Variants in TRIM49 observed in about 807,000 individuals in gnomAD.
TRIM49 encodes the protein tripartite motif-containing protein 49.
In TRIM49, 5 loss-of-function variants were observed where a neutral mutation model predicts 27.4. That is an observed-to-expected ratio of 0.18 (90% CI 0.10 to 0.38). The LOEUF (loss-of-function observed/expected upper bound fraction) is 0.38, where lower values mean the gene tolerates loss of function less well. Ranked by LOEUF, TRIM49 falls within the 10% of genes least tolerant of loss-of-function variation. The pLI, the probability that TRIM49 is intolerant of heterozygous loss-of-function variation, is 1.00. For synonymous variants in TRIM49, 69 were observed against 166.0 expected, an observed-to-expected ratio of 0.42 and a Z score of 4.49; for missense variants, 188 against 487.5, an observed-to-expected ratio of 0.39 and a Z score of 5.79.
intron 2 of TRIM49, among the ~76,000 whole-genome samples, chr11:89,806,096 A>G (rs1243938215): frequency 8.2e-4 from 123 of 149,858 alleles, no homozygotes; most frequent in African/African-American, 2.7e-3. Flanking sequence ...CCTATGGTAT[A>G]CACTATAGCC....
the TRIM49 span, among the ~76,000 whole-genome samples, chr11:89,785,002 A>T: frequency 6.7e-6 from 1 of 150,194 alleles, no homozygotes; most frequent in Admixed American, 6.6e-5. Flanking sequence ...GAAATAAATC[A>T]GAGAGATCAC....
At chr11:89,777,680 A>G in the TRIM49 span, among the ~76,000 whole-genome samples, 9 of 150,994 alleles carry the variant, frequency 6.0e-5, no homozygotes, top group Admixed American at 2.6e-4. Context: ...CAGGTTATGT[A>G]AAAGCCAGTT....
chr11:89,805,711 T>C (rs1394719407), intron 2 of TRIM49, among the ~76,000 whole-genome samples: 2 of 140,780 alleles, frequency 1.4e-5, no homozygotes, highest in African/African-American at 6.2e-5. Context: ...CAGGTGTTTT[T>C]AGTTTTTTTT....
At chr11:89,805,965 C>T (rs1949786790) in intron 2 of TRIM49, among the ~76,000 whole-genome samples, 1 of 150,862 alleles carries the variant, frequency 6.6e-6, no homozygotes, top group African/African-American at 2.5e-5. Flanking sequence ...AGTGATCTGC[C>T]TGCCTTGGCT....
intron 2 of TRIM49, among the ~76,000 whole-genome samples, chr11:89,805,268 A>T (rs1435286632): frequency 6.6e-6 from 1 of 150,616 alleles, no homozygotes; most frequent in African/African-American, 2.4e-5. Context: ...GTGTAATTAT[A>T]TTTCCATAGT....
the TRIM49 span, chr11:89,777,391 G>A: frequency 4.6e-6 from 7 of 1,536,734 alleles, no homozygotes; most frequent in African/African-American, 1.4e-5. Flanking sequence ...TGCAGGGTAC[G>A]TGATGCCTCT....
chr11:89,784,140 A>C, the TRIM49 span, among the ~76,000 whole-genome samples: 4 of 114,444 alleles, frequency 3.5e-5, no homozygotes, highest in African/African-American at 2.5e-4. Flanking sequence ...TTCAGAAAAC[A>C]AATTAAATGA....
rs9666819 is a variant in TRIM49 at position 89,798,491 on chromosome 11, A to G, written c.998T>C (p.Val333Ala). The change falls in exon 8 of 8, where the codon GTT becomes GCT. Residue 333 changes from valine to alanine, a missense_variant. Around this residue, in one of 6 missense-constraint regions of TRIM49, gnomAD observed 94 missense variants for 149.6 expected, o/e 0.63. Coordinates refer to ENST00000329758, the MANE Select transcript of TRIM49 (RefSeq NM_020358.2). Reference protein sequence around the residue: ...ATPRSFLAWGVQTFTSGKYYW... With the variant: ...ATPRSFLAWGAQTFTSGKYYW... ...ATATTTGCCCGAGGTGAAAGTCTGA[A>G]CACCCCATGCAAGAAAACTTCTAGG... 2.5e-6 allele frequency: 4 copies of G among 1,594,502 alleles called. No individual in the cohort carries two copies. The highest frequency in any genetic ancestry group is 3.3e-4 in the Middle Eastern group (2 of 5,982).
At chr11:89,783,783 T>C in the TRIM49 span, among the ~76,000 whole-genome samples, 18 of 146,274 alleles carry the variant, frequency 1.2e-4, no homozygotes, top group Non-Finnish European at 2.2e-4. Flanking sequence ...CCGGCTTACC[T>C]GCTCTAACAA....
chr11:89,805,903 A>G (rs547105464), intron 2 of TRIM49, among the ~76,000 whole-genome samples: 1 of 150,332 alleles, frequency 6.7e-6, no homozygotes, highest in South Asian at 2.1e-4. Context: ...TTTTTTTAGT[A>G]GAGATGGGGT....
At chr11:89,768,353 A>G in the TRIM49 span, 3 of 1,203,866 alleles carry the variant, frequency 2.5e-6, no homozygotes, top group South Asian at 2.6e-5. Flanking sequence ...ATTCCAACAG[A>G]AAATGCTTCA....
At chr11:89,802,941 C>T (rs1214608826) in intron 4 of TRIM49, among the ~76,000 whole-genome samples, 1 of 150,068 alleles carries the variant, frequency 6.7e-6, no homozygotes, top group Non-Finnish European at 1.5e-5. Flanking sequence ...TTCCTTTCTT[C>T]TTTACTAGTA....
In TRIM49 at chr11:89,804,324, A is replaced by T. The variant is rs1591515485; in HGVS notation, c.146T>A (p.Leu49His). The change falls in exon 3 of 8, where the codon CTT becomes CAT. Residue 49 changes from leucine to histidine, a missense_variant. Coordinates refer to ENST00000329758, the MANE Select transcript of TRIM49 (RefSeq NM_020358.2). ...FYLNWQDIPFLVQCSECTKST... is the reference protein window; with the variant it reads ...FYLNWQDIPFHVQCSECTKST... ...CTTTGTGCATTCAGAGCACTGGACA[A>T]GAAATGGGATGTCTTGCCAGTTGAG... 3.5e-5 allele frequency: 57 copies of T among 1,611,712 alleles called. No individual in the cohort carries two copies. In the East Asian group the frequency reaches 1.2e-3, roughly 35 times the overall value.
chr11:89,795,542 G>GAAT (rs560062528), downstream of TRIM49, among the ~76,000 whole-genome samples: 1 of 82,652 alleles, frequency 1.2e-5, no homozygotes, highest in African/African-American at 4.5e-5. Context: ...ATACAACATG[G>GAAT]AATACTATGC....
chr11:89,803,615 G>A, intron 4 of TRIM49, 83 bp downstream of exon 4: 1 of 1,297,018 alleles, frequency 7.7e-7, no homozygotes. Context: ...AAACATTACA[G>A]TTTGATATCA....
intron 4 of TRIM49, among the ~76,000 whole-genome samples, chr11:89,802,676 A>T (rs1426479868): frequency 1.7e-4 from 26 of 150,860 alleles, no homozygotes; most frequent in Non-Finnish European, 3.2e-4. Context: ...ATCCACACAC[A>T]CATTTGTGTT....
rs1464187769 is a variant in TRIM49 at position 89,807,260 on chromosome 11, C to T, written c.-166G>A. 6.6e-6 allele frequency: 1 copy of T among 152,036 alleles called. No individual in the cohort carries two copies. Among genetic ancestry groups the T allele is most frequent in the Non-Finnish European group, 1.5e-5 (1 of 67,840 alleles). 9.4% of individuals were successfully genotyped at this position (152,036 alleles called of 1,614,324 possible). On this transcript the variant is annotated 5_prime_UTR_variant, in exon 2 of 8. Coordinates refer to ENST00000329758, the MANE Select transcript of TRIM49 (RefSeq NM_020358.2). ...CTCCTTCAGAGAAAACTGAGCTTGT[C>T]TCTTCCGTGTCCTTTTATAAGAACC...
chr11:89,805,674 G>C (rs1017801360), intron 2 of TRIM49, among the ~76,000 whole-genome samples: 2 of 150,156 alleles, frequency 1.3e-5, no homozygotes, highest in African/African-American at 5.0e-5. Context: ...ATAGCTTGTG[G>C]ACAGATGTAT....
intron 6 of TRIM49, among the ~76,000 whole-genome samples, chr11:89,800,641 G>A (rs1196706759): frequency 1.3e-5 from 2 of 150,250 alleles, no homozygotes; most frequent in African/African-American, 2.5e-5. Context: ...TACTCGGGAG[G>A]CTGAGGCAGG....
Sources: allele counts gnomAD v4.1 joint callset (sites outside exome capture counted in the v4.1 genomes callset), GRCh38; gene constraint gnomAD v4.1.1; regional missense constraint gnomAD v4.1.1; transcripts MANE v1.5; gene names NCBI Gene and HGNC (gene_info 2026-07-23, HGNC 2026-07-21).